ABCC1: variants seen among roughly 807,000 people sequenced by gnomAD.
The protein encoded by ABCC1 is ATP binding cassette subfamily C member 1 (ABCC1 blood group), also known as multidrug resistance-associated protein 1.
A neutral mutation model predicts 172.9 loss-of-function variants in ABCC1; 83 were observed. The observed-to-expected ratio is 0.48, with a 90% CI of 0.40 to 0.58. ABCC1 has a LOEUF of 0.58. Ranked by LOEUF, ABCC1 falls within the 20% of genes least tolerant of loss-of-function variation. ABCC1 has a pLI of 0.00. For synonymous variants in ABCC1, 937 were observed against 825.2 expected (o/e 1.14, Z -2.32); for missense variants, 1,817 against 2,002.7 (o/e 0.91, Z 1.77).
intron 18 of ABCC1, among the ~76,000 whole-genome samples, chr16:16,087,604 C>T (rs2051061596): frequency 6.6e-6 from 1 of 152,058 alleles, no homozygotes; most frequent in African/African-American, 2.4e-5. Context: ...ATTACAGGTG[C>T]CCACCACCAC....
At position 16,122,347 on chromosome 16, in the gene ABCC1, C is replaced by T. The variant is rs45449705; in HGVS notation, c.3590+173C>T. ...GGACAGATGAATCATTAAGAGCAGA[C>T]AGCGGCACTGTAGACATGCAGTGCC... On this transcript the variant is annotated intron_variant, in intron 24 of 30. Coordinates refer to ENST00000399410, the MANE Select transcript of ABCC1 (RefSeq NM_004996.4). 5.0e-3 allele frequency among the ~76,000 whole-genome samples: 758 copies of T among 152,290 alleles called. 10 individuals carry two copies. Among genetic ancestry groups the T allele is most frequent in the African/African-American group, 0.017 (727 of 41,558 alleles).
At chr16:15,961,116 G>A (rs773945293) in intron 1 of ABCC1, among the ~76,000 whole-genome samples, 4 of 151,082 alleles carry the variant, frequency 2.6e-5, no homozygotes, top group Non-Finnish European at 5.9e-5. Context: ...CATGTGCTGG[G>A]ATTACAGGCA....
In ABCC1 at chr16:16,043,243, T is replaced by TTTTTTTTTTC. The variant is rs1021835519; in HGVS notation, c.810-1207_810-1206insTTTTTTTTTC. Among the ~76,000 whole-genome samples the TTTTTTTTTTC allele has an allele frequency of 7.1e-5, 10 of 140,786 alleles. 1 individual carries two copies. Among genetic ancestry groups the TTTTTTTTTTC allele is most frequent in the African/African-American group, 8.2e-5 (3 of 36,618 alleles). The allele number at this position is 140,786 out of a possible 152,430, so 92.4% of individuals were successfully genotyped here. A position where few individuals can be genotyped will look rare whatever the true frequency, so the allele number is the denominator to read the frequency against. On this transcript the variant is annotated intron_variant, in intron 7 of 30. Transcript: ENST00000399410. ...GACTGTTTTTTTTTTTTTTTTTTTT[T>TTTTTTTTTTC]CCACTGATGTATATATGCCTATCCC...
rs535443419 is a variant in ABCC1 at position 15,976,783 on chromosome 16, C to T, written c.48+26984C>T. On this transcript the variant is annotated intron_variant, in intron 1 of 30. Transcript: ENST00000399410. ...ACCCCTAACGAGTATTCTATCTTCC[C>T]AACATTGTGTGCAATAGCCATGAGA... Among the ~76,000 whole-genome samples, 6 of 152,266 alleles carry T rather than the reference C, an allele frequency of 3.9e-5. No homozygotes were observed. The South Asian group carries it at 6.2e-4, about 16-fold the overall frequency.
intron 1 of ABCC1, among the ~76,000 whole-genome samples, chr16:16,004,540 C>T (rs921513021): frequency 6.6e-6 from 1 of 152,122 alleles, no homozygotes; most frequent in Non-Finnish European, 1.5e-5. Context: ...TTCTTCTTTA[C>T]AAGGCTGTGT....
intron 19 of ABCC1, among the ~76,000 whole-genome samples, chr16:16,091,994 G>C (rs2051274291): frequency 6.6e-6 from 1 of 152,150 alleles, no homozygotes; most frequent in African/African-American, 2.4e-5. Flanking sequence ...TCCCAGCACT[G>C]TGGGAGGCTG....
In ABCC1 at chr16:16,007,713, G is replaced by A. The variant is rs143851493; in HGVS notation, c.49-103G>A. ...AGGTCCTTGGATATATAGGAGCCTT[G>A]TCTGTTTCTTCAAACCCCGTGGCAG... On this transcript the variant is annotated intron_variant, in intron 1 of 30. Coordinates refer to ENST00000399410, the MANE Select transcript of ABCC1 (RefSeq NM_004996.4). 2.4e-5 allele frequency: 28 copies of A among 1,159,730 alleles called. No individual in the cohort carries two copies. The East Asian group carries it at 6.4e-4, about 27-fold the overall frequency. 71.8% of individuals were successfully genotyped at this position (1,159,730 alleles called of 1,614,324 possible). A position where few individuals can be genotyped will look rare whatever the true frequency, so the allele number is the denominator to read the frequency against.
At position 16,114,887 on chromosome 16, in the gene ABCC1, C is replaced by A. The variant is rs1478979722; in HGVS notation, c.3201C>A (p.Thr1067=). The A allele has an allele frequency of 6.2e-7, 1 of 1,613,792 alleles. No individual in the cohort carries two copies. The highest frequency in any genetic ancestry group is 2.2e-5 in the East Asian group (1 of 44,880). Residue 1067 remains threonine, a synonymous_variant, in exon 23 of 31, where the codon ACC becomes ACA. Transcript: ENST00000399410. ...CACCCATGAGCTTCTTTGAGCGGAC[C>A]CCCAGTGGGAACCTGGTGAACCGCT... is the stretch of plus-strand genomic sequence containing the variant. ...LRSPMSFFER[T]PSGNLVNRFS...
At position 15,964,295 on chromosome 16, in the gene ABCC1, A is replaced by C. The variant is rs142638977; in HGVS notation, c.48+14496A>C. On this transcript the variant is annotated intron_variant, in intron 1 of 30. Transcript: ENST00000399410. ...CTCTTGAATGCTTTGCTGCTTAGTA[A>C]TTTCTTCCCCTAGATGCCCTAAATC... Among the ~76,000 whole-genome samples the C allele has an allele frequency of 2.5e-3, 378 of 152,148 alleles. 10 individuals are homozygous for C. The South Asian group carries it at 0.06, about 24-fold the overall frequency.
intron 12 of ABCC1, among the ~76,000 whole-genome samples, chr16:16,060,867 A>C (rs919365089): frequency 6.6e-6 from 1 of 151,736 alleles, no homozygotes; most frequent in Non-Finnish European, 1.5e-5. Flanking sequence ...GCCAGGCTGG[A>C]GTGCATTGGC....
Position 16,044,528 on chromosome 16 carries a change from G to A in ABCC1, c.888G>A (p.Glu296=). ...GTTCCAAGGTGGATGCGAATGAGGAGGTGGAGGCTTTGATCGTCAAGTCCC... is the reference window on the plus strand; with the variant it reads ...GTTCCAAGGTGGATGCGAATGAGGAAGTGGAGGCTTTGATCGTCAAGTCCC... ...KESSKVDANE[E]VEALIVKSPQ... Residue 296 remains glutamate, a synonymous_variant, in exon 8 of 31, where the codon GAG becomes GAA. Transcript: ENST00000399410. 1.9e-6 allele frequency: 3 copies of A among 1,614,176 alleles called. No individual in the cohort carries two copies. Among genetic ancestry groups the A allele is most frequent in the Non-Finnish European group, 2.5e-6 (3 of 1,180,038 alleles).
At chr16:16,082,238 C>G (rs1171793860) in intron 16 of ABCC1, among the ~76,000 whole-genome samples, 2 of 152,138 alleles carry the variant, frequency 1.3e-5, no homozygotes, top group Non-Finnish European at 2.9e-5. Context: ...AATGCTCTTC[C>G]CTCTTCTCCT....
intron 6 of ABCC1, among the ~76,000 whole-genome samples, chr16:16,033,580 C>T (rs1002271092): frequency 6.6e-6 from 1 of 152,086 alleles, no homozygotes; most frequent in Admixed American, 6.6e-5. Context: ...ACCACATGTG[C>T]AGATCAGCAG....
At chr16:16,101,960 A>G (rs2051773500) in intron 19 of ABCC1, among the ~76,000 whole-genome samples, 1 of 152,124 alleles carries the variant, frequency 6.6e-6, no homozygotes, top group African/African-American at 2.4e-5. Flanking sequence ...GTCTCATCTG[A>G]AGACTCAATC....
intron 1 of ABCC1, among the ~76,000 whole-genome samples, chr16:15,986,514 C>T (rs115579858): frequency 1.2e-4 from 18 of 152,262 alleles, no homozygotes; most frequent in Non-Finnish European, 2.2e-4. Flanking sequence ...ACCGTGCATG[C>T]GAGGGACCTA....
At chr16:15,968,904 T>G (rs1453531543) in intron 1 of ABCC1, among the ~76,000 whole-genome samples, 6 of 151,790 alleles carry the variant, frequency 4.0e-5, no homozygotes, top group Admixed American at 3.3e-4. Flanking sequence ...TTTTCTTTTT[T>G]TTTTTTGTAT....
At chr16:15,988,159 C>T (rs2046783060) in intron 1 of ABCC1, among the ~76,000 whole-genome samples, 1 of 152,078 alleles carries the variant, frequency 6.6e-6, no homozygotes, top group African/African-American at 2.4e-5. Context: ...CTCAAGTGAC[C>T]CACTTGTCTT....
intron 5 of ABCC1, among the ~76,000 whole-genome samples, chr16:16,019,994 G>C (rs1386396132): frequency 6.6e-6 from 1 of 152,112 alleles, no homozygotes; most frequent in African/African-American, 2.4e-5. Flanking sequence ...CATGATCTTG[G>C]CTCTGCAGCC....
At chr16:16,131,477 G>A (rs535988995) in intron 26 of ABCC1, among the ~76,000 whole-genome samples, 1 of 152,320 alleles carries the variant, frequency 6.6e-6, no homozygotes, top group East Asian at 1.9e-4. Flanking sequence ...GGTGCAGTGG[G>A]TGTGGGAGAC....
Sources: gnomAD v4.1 joint callset for allele counts (sites outside exome capture counted in the v4.1 genomes callset) on GRCh38, gnomAD v4.1.1 for gene constraint, MANE v1.5 for transcripts, NCBI Gene and HGNC (gene_info 2026-07-23, HGNC 2026-07-21) for gene names.